Variants in NTM observed in about 807,000 individuals in gnomAD.
The protein encoded by NTM is IgLON family member 2.
A neutral mutation model predicts 42.1 loss-of-function variants in NTM; 13 were observed. The observed-to-expected ratio is 0.31, with a 90% CI of 0.20 to 0.49. The LOEUF is 0.49. Ranked by LOEUF, NTM falls within the 20% of genes least tolerant of loss-of-function variation. NTM has a pLI of 0.99. For missense variants in NTM, 373 were observed against 452.8 expected, an observed-to-expected ratio of 0.82 and a Z score of 1.60; for synonymous variants, 187 against 179.2, an observed-to-expected ratio of 1.04 and a Z score of -0.35.
At chr11:132,072,826 G>C (rs2057875156) in intron 2 of NTM, among the ~76,000 whole-genome samples, 1 of 152,128 alleles carries the variant, frequency 6.6e-6, no homozygotes, top group Non-Finnish European at 1.5e-5. Context: ...CCTCCTCACT[G>C]TGGTGCCTGT....
At chr11:131,528,148 C>T (rs535104462) in intron 1 of NTM, among the ~76,000 whole-genome samples, 1 of 152,282 alleles carries the variant, frequency 6.6e-6, no homozygotes, top group East Asian at 1.9e-4. Context: ...TATCTTTATG[C>T]TTGTTTTCAT....
chr11:132,208,530 G>C (rs1441262760), intron 3 of NTM, among the ~76,000 whole-genome samples: 2 of 152,188 alleles, frequency 1.3e-5, no homozygotes, highest in Non-Finnish European at 2.9e-5. Flanking sequence ...GACAATTCTA[G>C]ATGATTCTTC....
intron 1 of NTM, among the ~76,000 whole-genome samples, chr11:131,388,530 G>A (rs1338935865): frequency 6.6e-6 from 1 of 151,754 alleles, no homozygotes; most frequent in Non-Finnish European, 1.5e-5. Context: ...GTACTTAGTG[G>A]AAATAGCCTG....
chr11:131,564,324 G>T (rs116350695), intron 1 of NTM, among the ~76,000 whole-genome samples: 3 of 152,110 alleles, frequency 2.0e-5, no homozygotes, highest in Admixed American at 2.0e-4. Flanking sequence ...AATTCTGGAG[G>T]CTGGAAGTCT....
intron 2 of NTM, among the ~76,000 whole-genome samples, chr11:132,052,326 C>T (rs935416895): frequency 6.6e-6 from 1 of 152,152 alleles, no homozygotes. Context: ...ACCAGCATTC[C>T]GGCATTCTCT....
chr11:131,422,545 AATCT>A (rs1947644509), intron 1 of NTM, among the ~76,000 whole-genome samples: 1 of 152,244 alleles, frequency 6.6e-6, no homozygotes, highest in South Asian at 2.1e-4. Context: ...TTCTTGGGCA[AATCT>A]CAGAATCCCC....
intron 1 of NTM, among the ~76,000 whole-genome samples, chr11:131,493,378 C>A (rs965185300): frequency 3.0e-4 from 46 of 152,144 alleles, no homozygotes; most frequent in Non-Finnish European, 5.7e-4. Context: ...AAAATGGCCC[C>A]AAGACCCATG....
intron 2 of NTM, among the ~76,000 whole-genome samples, chr11:132,033,544 C>A (rs1281027853): frequency 2.6e-5 from 4 of 152,204 alleles, no homozygotes; most frequent in Non-Finnish European, 4.4e-5. Context: ...TGAGATCTGA[C>A]TAGCAGAAGG....
rs61603794 is a variant in NTM at position 132,292,787 on chromosome 11, T to TAAAAAAAAA, written c.527-14884_527-14876dup. ...AATTTTATCAAAAGGGATGTAAAAG[T>TAAAAAAAAA]AAAAAAAAAAAAAAAAAAAAAAAAA... On this transcript the variant is annotated intron_variant, in intron 4 of 8. Transcript: ENST00000683400. Among the ~76,000 whole-genome samples, 230 of 56,524 alleles carry TAAAAAAAAA rather than the reference T, an allele frequency of 4.1e-3. 3 individuals are homozygous for TAAAAAAAAA. The highest frequency in any genetic ancestry group is 4.6e-3 in the Non-Finnish European group (151 of 33,030). The allele number at this position is 56,524 out of a possible 152,430, so 37.1% of individuals were successfully genotyped here.
intron 2 of NTM, among the ~76,000 whole-genome samples, chr11:131,973,726 A>T (rs1363039891): frequency 6.6e-6 from 1 of 152,234 alleles, no homozygotes; most frequent in Non-Finnish European, 1.5e-5. Context: ...CCAAGGCAGG[A>T]GAATCGCTTG....
chr11:132,081,864 A>G (rs2059108322), intron 2 of NTM, among the ~76,000 whole-genome samples: 2 of 151,142 alleles, frequency 1.3e-5, no homozygotes, highest in Admixed American at 1.3e-4. Context: ...AGGAGTTCAA[A>G]TCTAGCCTGG....
intron 2 of NTM, among the ~76,000 whole-genome samples, chr11:132,057,147 G>T (rs1227083219): frequency 6.6e-6 from 1 of 152,218 alleles, no homozygotes; most frequent in African/African-American, 2.4e-5. Flanking sequence ...TCAATCGGGT[G>T]CTTATCATAC....
chr11:131,372,443 AGT>A (rs142528453), intron 1 of NTM, among the ~76,000 whole-genome samples: 13 of 151,378 alleles, frequency 8.6e-5, no homozygotes, highest in African/African-American at 1.7e-4. Flanking sequence ...AAGCAGTATC[AGT>A]GTGTGTGTGT....
intron 1 of NTM, among the ~76,000 whole-genome samples, chr11:131,442,882 G>A (rs1326096913): frequency 6.6e-6 from 1 of 151,820 alleles, no homozygotes; most frequent in African/African-American, 2.4e-5. Context: ...ATCAATCATT[G>A]GTGGACACTT....
intron 7 of NTM, among the ~76,000 whole-genome samples, chr11:132,325,359 C>T (rs113235776): frequency 2.9e-4 from 44 of 152,076 alleles, no homozygotes; most frequent in African/African-American, 9.7e-4. Context: ...GGGCAAAGGA[C>T]ATGAACAGAC....
chr11:131,773,208 G>A (rs572816886), intron 1 of NTM, among the ~76,000 whole-genome samples: 5 of 152,286 alleles, frequency 3.3e-5, no homozygotes, highest in South Asian at 2.1e-4. Flanking sequence ...TGTGTCCTCC[G>A]GAGGGGCCAA....
intron 1 of NTM, among the ~76,000 whole-genome samples, chr11:131,375,319 C>A (rs1381790773): frequency 6.6e-6 from 1 of 152,210 alleles, no homozygotes; most frequent in African/African-American, 2.4e-5. Context: ...TATATTTATG[C>A]AGTTTACTTC....
At chr11:131,763,338 CA>C (rs1380986534) in intron 1 of NTM, among the ~76,000 whole-genome samples, 2 of 152,168 alleles carry the variant, frequency 1.3e-5, no homozygotes, top group Non-Finnish European at 2.9e-5. Flanking sequence ...GAATAATTTT[CA>C]AAACAGTAAT....
intron 2 of NTM, among the ~76,000 whole-genome samples, chr11:131,948,250 C>T (rs1018550927): frequency 5.3e-5 from 8 of 151,460 alleles, no homozygotes; most frequent in East Asian, 1.9e-4. Flanking sequence ...CTGTAGTCCC[C>T]GCTACTTGGG....
Sources: gnomAD v4.1 joint callset for allele counts (sites outside exome capture counted in the v4.1 genomes callset) on GRCh38, gnomAD v4.1.1 for gene constraint, MANE v1.5 for transcripts, NCBI Gene and HGNC (gene_info 2026-07-23, HGNC 2026-07-21) for gene names.